The following DHX30 variants were observed in gnomAD, a reference collection of about 807,000 sequenced individuals.
The protein encoded by DHX30 is DExH-box helicase 30, also known as ATP-dependent RNA helicase DHX30.
DHX30 carries 4 observed loss-of-function variants against 116.9 expected under a neutral mutation model. The observed-to-expected ratio is 0.03, with a 90% CI of 0.02 to 0.08. The LOEUF (loss-of-function observed/expected upper bound fraction) is 0.08, where lower values mean the gene tolerates loss of function less well. Ranked by LOEUF, DHX30 falls within the 10% of genes least tolerant of loss-of-function variation. DHX30 has a pLI of 1.00. For missense variants in DHX30, 871 were observed against 1,595.1 expected (o/e 0.55, Z 7.73); for synonymous variants, 697 against 651.7 (o/e 1.07, Z -1.06).
chr3:47,846,811 G>A lies in DHX30; in HGVS notation c.1739G>A (p.Arg580Gln), dbSNP rs1391599341. Residue 580 changes from arginine (R) to glutamine (Q), a missense_variant, in exon 11 of 22, where the codon CGG (arginine) becomes CAG (glutamine). By Grantham distance (43) the Arg-to-Gln change is conservative. Coordinates refer to ENST00000445061, the MANE Select transcript of DHX30 (RefSeq NM_138615.3). ...FLLILLKGLQ[R>Q]LNPALRLVLM... The stretch of plus-strand genomic sequence containing the variant: ...CTGATCCTGCTCAAGGGCCTGCAGC[G>A]GCTCAACCCGGCCCTGCGGCTGGTG... The A allele has an allele frequency of 1.2e-5, 20 of 1,613,130 alleles. No homozygotes were observed. The Admixed American group carries it at 1.7e-4, about 13-fold the overall frequency.
chr3:47,845,826 C>G lies in DHX30; in HGVS notation c.1066C>G (p.Arg356Gly). The G allele has an allele frequency of 6.2e-7, 1 of 1,609,380 alleles. No homozygotes were observed. Among genetic ancestry groups the G allele is most frequent in the Non-Finnish European group, 8.5e-7 (1 of 1,176,202 alleles). Residue 356 changes from arginine (R) to glycine (G), a missense_variant, in exon 10 of 22, where the codon CGC becomes GGC. Arg to Gly is a moderately radical substitution (Grantham distance 125). Around this residue, in one of 13 missense-constraint regions of DHX30, gnomAD observed 175 missense variants for 292.9 expected, o/e 0.60. Coordinates refer to ENST00000445061, the MANE Select transcript of DHX30 (RefSeq NM_138615.3). ...CATCCAGGTGCCCGAGCCCATCCTC[C>G]GCAAGATAGAGACCTTCCTGAACCA... ...CTIQVPEPILRKIETFLNHYP... is the reference protein window; with the variant it reads ...CTIQVPEPILGKIETFLNHYP...
At chr3:47,845,645 G>A in intron 9 of DHX30, 55 bp from the exon 10 acceptor site, 3 of 1,456,536 alleles carry the variant, frequency 2.1e-6, no homozygotes, top group South Asian at 3.2e-5. Flanking sequence ...GCTTGTCTGG[G>A]CTGGTTTTTG....
chr3:47,841,480 G>T lies in DHX30; in HGVS notation c.669-137G>T. The stretch of plus-strand genomic sequence containing the variant: ...GCTGTGGGAGGAGCAGAGACGCCCG[G>T]TTTCCCATCCATTTCATGCCTTCTG... On this transcript the variant is annotated intron_variant, in intron 7 of 21. Transcript: ENST00000445061. The T allele has an allele frequency of 2.4e-6, 3 of 1,243,586 alleles. No homozygotes were observed. The South Asian group carries it at 4.4e-5, about 18-fold the overall frequency. 77.0% of individuals were successfully genotyped at this position (1,243,586 alleles called of 1,614,324 possible).
intron 6 of DHX30, among the ~76,000 whole-genome samples, chr3:47,835,959 G>A (rs1306416520): frequency 6.6e-6 from 1 of 152,202 alleles, no homozygotes; most frequent in Admixed American, 6.5e-5. Flanking sequence ...ACTGGCAGCT[G>A]TAAGATCAAG....
At chr3:47,830,113 A>T (rs2036775968) in intron 6 of DHX30, among the ~76,000 whole-genome samples, 1 of 149,080 alleles carries the variant, frequency 6.7e-6, no homozygotes, top group Admixed American at 6.7e-5. Flanking sequence ...TACAGGCATG[A>T]GCCACCATGC....
intron 6 of DHX30, among the ~76,000 whole-genome samples, chr3:47,835,235 G>A (rs1201332457): frequency 2.7e-5 from 4 of 149,528 alleles, no homozygotes; most frequent in Non-Finnish European, 4.4e-5. Flanking sequence ...GTGCAGTGGC[G>A]CAATCTCAAC....
intron 3 of DHX30, among the ~76,000 whole-genome samples, chr3:47,811,801 C>T (rs1005906764): frequency 1.2e-4 from 18 of 151,632 alleles, no homozygotes; most frequent in African/African-American, 9.8e-5. Flanking sequence ...TGATGGCTCA[C>T]GCCTGTAATC....
Position 47,848,619 on chromosome 3 carries a change from T to TG in DHX30, c.2576-4dup, listed in dbSNP as rs1324120955. 1 of 1,613,896 alleles carries TG rather than the reference T, an allele frequency of 6.2e-7. No homozygotes were observed. Among genetic ancestry groups the TG allele is most frequent in the East Asian group, 2.2e-5 (1 of 44,892 alleles). On this transcript the variant is annotated splice_polypyrimidine_tract_variant and splice_region_variant and intron_variant, in intron 16 of 21. Coordinates refer to ENST00000445061, the MANE Select transcript of DHX30 (RefSeq NM_138615.3). The surrounding 1 kb of genome is among the most constrained non-coding windows in gnomAD (Gnocchi z 9.4). ...AGGGTGGTACTGACAGCTGAGCCGT[T>TG]GCAGGGGTGCTGGACCAGCGGGAGT...
intron 6 of DHX30, among the ~76,000 whole-genome samples, chr3:47,835,669 T>G (rs1472710528): frequency 6.6e-6 from 1 of 152,218 alleles, no homozygotes; most frequent in Non-Finnish European, 1.5e-5. Flanking sequence ...CTCAAACTCC[T>G]GACCTCAGGT....
intron 3 of DHX30, among the ~76,000 whole-genome samples, chr3:47,815,277 C>T (rs1291177165): frequency 1.3e-5 from 2 of 152,144 alleles, no homozygotes; most frequent in East Asian, 1.9e-4. Context: ...TGGCTATGGT[C>T]GGTGCTCAAC....
chr3:47,811,096 C>T (rs182791154), intron 3 of DHX30, among the ~76,000 whole-genome samples: 5 of 152,012 alleles, frequency 3.3e-5, no homozygotes, highest in African/African-American at 1.2e-4. Context: ...ATTACAGGAA[C>T]CAGCTGCCAA....
intron 1 of DHX30, among the ~76,000 whole-genome samples, chr3:47,804,495 C>T (rs765807915): frequency 6.6e-6 from 1 of 152,200 alleles, no homozygotes; most frequent in Non-Finnish European, 1.5e-5. Context: ...GCCGAGGTTG[C>T]AGTGAGCCAA....
chr3:47,807,821 C>G (rs533236029), intron 2 of DHX30, among the ~76,000 whole-genome samples: 1 of 151,694 alleles, frequency 6.6e-6, no homozygotes, highest in African/African-American at 2.4e-5. Flanking sequence ...GTCTTGAACT[C>G]CTGGCCTCAA....
At chr3:47,812,229 AAAAT>A (rs1045090044) in intron 3 of DHX30, among the ~76,000 whole-genome samples, 15 of 151,640 alleles carry the variant, frequency 9.9e-5, no homozygotes, top group Middle Eastern at 3.4e-3. Flanking sequence ...TGCCATCTCA[AAAAT>A]AAATAAATAA....
chr3:47,833,384 T>C (rs946303811), intron 6 of DHX30, among the ~76,000 whole-genome samples: 1 of 151,482 alleles, frequency 6.6e-6, no homozygotes, highest in Non-Finnish European at 1.5e-5. Context: ...ATACAAAAAT[T>C]AGCAGGGCAT....
intron 9 of DHX30, among the ~76,000 whole-genome samples, chr3:47,845,197 A>G (rs1366697722): frequency 6.6e-6 from 1 of 151,642 alleles, no homozygotes. Flanking sequence ...CTTTATTATT[A>G]TTTTCTTTGA....
chr3:47,847,198 GAGTC>G lies in DHX30; in HGVS notation c.1930-72_1930-69del. 6.3e-7 allele frequency: 1 copy of G among 1,587,764 alleles called. No homozygotes were observed. The highest frequency in any genetic ancestry group is 2.2e-5 in the East Asian group (1 of 44,702). On this transcript the variant is annotated intron_variant, in intron 11 of 21. Transcript: ENST00000445061. The surrounding 1 kb of genome is among the most constrained non-coding windows in gnomAD (Gnocchi z 5.5). ...TGATGTCAAGCGGCTCCGTCTCACT[GAGTC>G]AGGTGGCTGTGTCCTTGGCATGACC...
chr3:47,824,058 A>C (rs532846287), intron 4 of DHX30, among the ~76,000 whole-genome samples: 1 of 135,118 alleles, frequency 7.4e-6, no homozygotes, highest in Non-Finnish European at 1.5e-5. Flanking sequence ...GCTGAAGTGC[A>C]GTGGCATGAT....
chr3:47,814,930 C>T (rs1247638568), intron 3 of DHX30, among the ~76,000 whole-genome samples: 1 of 149,624 alleles, frequency 6.7e-6, no homozygotes, highest in Non-Finnish European at 1.5e-5. Context: ...TCCTATGTTT[C>T]CCAGGCTGTT....
Sources: gnomAD v4.1 joint callset for allele counts (sites outside exome capture counted in the v4.1 genomes callset) on GRCh38, gnomAD v4.1.1 for gene constraint, gnomAD v4.1.1 regional missense constraint, Gnocchi (gnomAD v3.1) non-coding constraint, MANE v1.5 for transcripts, NCBI Gene and HGNC (gene_info 2026-07-23, HGNC 2026-07-21) for gene names.